Variants in CRACD observed in about 807,000 individuals in gnomAD.
CRACD encodes the protein capping protein inhibiting regulator of actin dynamics, also known as capping protein-inhibiting regulator of actin dynamics.
A neutral mutation model predicts 106.8 loss-of-function variants in CRACD; 56 were observed. The observed-to-expected ratio is 0.52, with a 90% confidence interval of 0.42 to 0.66. The LOEUF is 0.66. CRACD is among the 30% of genes least tolerant of loss of function. The pLI, the probability that CRACD is intolerant of heterozygous loss-of-function variation, is 0.00. For synonymous variants in CRACD, 754 were observed against 670.8 expected, an observed-to-expected ratio of 1.12 and a Z score of -1.92; for missense variants, 1,730 against 1,623.2, an observed-to-expected ratio of 1.07 and a Z score of -1.13.
chr4:56,050,475 T>C lies in CRACD; in HGVS notation c.-336+1176T>C, dbSNP rs117530625. ...TTCCTTTAAAAATCACCTATAGTAA[T>C]TGTGGAATTATATAAAAAATGGCTC... On this transcript the variant is annotated intron_variant, in intron 1 of 10. Transcript: ENST00000682029. Among the ~76,000 whole-genome samples, 50 of 152,310 alleles carry C rather than the reference T, an allele frequency of 3.3e-4. No homozygotes were observed. The East Asian group carries it at 5.6e-3, about 17-fold the overall frequency.
chr4:56,081,906 G>C (rs557909711), intron 1 of CRACD, among the ~76,000 whole-genome samples: 1 of 152,196 alleles, frequency 6.6e-6, no homozygotes, highest in African/African-American at 2.4e-5. Flanking sequence ...GACCCGGGAG[G>C]CAAAGTTGGA....
intron 2 of CRACD, among the ~76,000 whole-genome samples, chr4:56,257,990 A>G (rs1200980434): frequency 6.6e-6 from 1 of 151,868 alleles, no homozygotes; most frequent in African/African-American, 2.4e-5. Context: ...GAATCGCTTG[A>G]ACCCGGGAGG....
chr4:56,112,317 G>C (rs1734146164), intron 1 of CRACD, among the ~76,000 whole-genome samples: 1 of 152,160 alleles, frequency 6.6e-6, no homozygotes, highest in African/African-American at 2.4e-5. Context: ...TTTCAGGTAA[G>C]GATTTTTAAA....
chr4:56,182,500 G>C (rs1291459284), intron 2 of CRACD, among the ~76,000 whole-genome samples: 1 of 151,730 alleles, frequency 6.6e-6, no homozygotes, highest in Non-Finnish European at 1.5e-5. Context: ...AGCCACTCGG[G>C]AGGCTGAGGT....
chr4:56,299,042 G>A (rs375241558), intron 4 of CRACD, among the ~76,000 whole-genome samples: 71 of 152,240 alleles, frequency 4.7e-4, no homozygotes, highest in Middle Eastern at 3.4e-3. Context: ...TTGACTGAGC[G>A]TGTGCACAAC....
intron 1 of CRACD, among the ~76,000 whole-genome samples, chr4:56,170,554 G>A (rs1243568466): frequency 6.6e-6 from 1 of 152,152 alleles, no homozygotes; most frequent in Non-Finnish European, 1.5e-5. Flanking sequence ...TTTATTCTGT[G>A]AATAGACTGG....
intron 1 of CRACD, among the ~76,000 whole-genome samples, chr4:56,126,090 A>G (rs529572548): frequency 6.6e-6 from 1 of 152,072 alleles, no homozygotes; most frequent in East Asian, 1.9e-4. Flanking sequence ...TGATGCTTGT[A>G]TTGTCCCAAA....
At chr4:56,202,677 A>G (rs760431644) in intron 2 of CRACD, among the ~76,000 whole-genome samples, 7 of 152,226 alleles carry the variant, frequency 4.6e-5, no homozygotes, top group Non-Finnish European at 7.3e-5. Context: ...TCTAATTAGT[A>G]TATCAGCAGC....
chr4:56,309,241 T>C, intron 5 of CRACD: 2 of 270,152 alleles, frequency 7.4e-6, no homozygotes, highest in Middle Eastern at 1.5e-3. Context: ...GTAAATTCTA[T>C]TTGGAAGATA....
chr4:56,152,103 G>A (rs12648425), intron 1 of CRACD, among the ~76,000 whole-genome samples: 10,444 of 149,736 alleles, frequency 0.07, 739 homozygotes, highest in East Asian at 0.39. Context: ...TCCACCTCCC[G>A]GGTTCACTCC....
intron 1 of CRACD, among the ~76,000 whole-genome samples, chr4:56,076,484 T>G (rs1475060764): frequency 6.6e-6 from 1 of 152,212 alleles, no homozygotes; most frequent in Non-Finnish European, 1.5e-5. Context: ...GTTAAAGTCT[T>G]ATGAATAAGT....
At chr4:56,260,343 G>A (rs902269391) in intron 2 of CRACD, among the ~76,000 whole-genome samples, 2 of 152,154 alleles carry the variant, frequency 1.3e-5, no homozygotes, top group Non-Finnish European at 2.9e-5. Flanking sequence ...TGGGGGAACG[G>A]GTTAGTGTGA....
At chr4:56,198,478 G>T (rs1737728299) in intron 2 of CRACD, among the ~76,000 whole-genome samples, 1 of 152,146 alleles carries the variant, frequency 6.6e-6, no homozygotes, top group African/African-American at 2.4e-5. Context: ...GTTTAGTATG[G>T]AAATATTAAT....
chr4:56,167,680 G>A (rs187657039), intron 1 of CRACD, among the ~76,000 whole-genome samples: 14 of 152,114 alleles, frequency 9.2e-5, no homozygotes, highest in Admixed American at 3.9e-4. Flanking sequence ...TCAAGTTGTC[G>A]CAAATGATAG....
intron 2 of CRACD, among the ~76,000 whole-genome samples, chr4:56,237,950 ATAATC>A (rs1740086908): frequency 1.3e-5 from 2 of 152,098 alleles, no homozygotes; most frequent in Non-Finnish European, 2.9e-5. Flanking sequence ...TATGTATTGT[ATAATC>A]TAGTTATCTA....
At chr4:56,143,382 G>A (rs1380703415) in intron 1 of CRACD, among the ~76,000 whole-genome samples, 4 of 151,798 alleles carry the variant, frequency 2.6e-5, no homozygotes, top group Non-Finnish European at 5.9e-5. Context: ...TTGTCTTACT[G>A]CATCTCAGCT....
chr4:56,086,649 C>T (rs1297638577), intron 1 of CRACD, among the ~76,000 whole-genome samples: 6 of 152,152 alleles, frequency 3.9e-5, no homozygotes, highest in Non-Finnish European at 7.3e-5. Context: ...CTCTTCCCTA[C>T]CCCTCCTATC....
chr4:56,270,307 C>T (rs1742276026), intron 2 of CRACD, among the ~76,000 whole-genome samples: 1 of 152,042 alleles, frequency 6.6e-6, no homozygotes, highest in South Asian at 2.1e-4. Context: ...CCTCCCACCT[C>T]AGCCTCCCGA....
chr4:56,172,770 C>T (rs1045257692), intron 1 of CRACD, among the ~76,000 whole-genome samples: 2 of 152,058 alleles, frequency 1.3e-5, no homozygotes, highest in Non-Finnish European at 2.9e-5. Flanking sequence ...ACTACAGTTG[C>T]GTGCCACCAT....
Sources: allele counts gnomAD v4.1 joint callset (sites outside exome capture counted in the v4.1 genomes callset), GRCh38; gene constraint gnomAD v4.1.1; transcripts MANE v1.5; gene names NCBI Gene and HGNC (gene_info 2026-07-23, HGNC 2026-07-21).